Variants in SCN1A observed in about 807,000 individuals in gnomAD.
SCN1A encodes sodium channel protein type 1 subunit alpha.
SCN1A carries 13 observed loss-of-function variants against 193.7 expected under a neutral mutation model. The ratio of observed to expected loss-of-function variants is 0.07; its 90% CI spans 0.04 to 0.11. The LOEUF is 0.11. Among genes scored for constraint, SCN1A ranks in the 10% least tolerant of loss-of-function variants. SCN1A has a pLI of 1.00. For missense variants in SCN1A, 1,432 were observed against 2,451.1 expected, an observed-to-expected ratio of 0.58 and a Z score of 8.78; for synonymous variants, 781 against 843.6, an observed-to-expected ratio of 0.93 and a Z score of 1.29.
intron 23 of SCN1A, among the ~76,000 whole-genome samples, chr2:166,005,765 T>G (rs1691570936): frequency 6.6e-6 from 1 of 151,306 alleles, no homozygotes; most frequent in South Asian, 2.1e-4. Flanking sequence ...TAATTGGTTC[T>G]TATGGGGGGA....
chr2:166,044,426 T>A (rs1697550676), intron 13 of SCN1A, among the ~76,000 whole-genome samples: 1 of 152,182 alleles, frequency 6.6e-6, no homozygotes, highest in Admixed American at 6.5e-5. Flanking sequence ...CAAGGCCACC[T>A]TGGTTTTTAT....
rs1444741563 is a variant in SCN1A, at chr2:166,015,618, C to A, written c.3539G>T (p.Cys1180Phe). The part of the protein sequence containing the change: ...EPEETLEPEA[C>F]FTEGCVQRFK... ...ATTCTTTTCTTTACCTTCAGTGAAA[C>A]AAGCTTCTGGTTCAAGAGTTTCTTC... Residue 1180 changes from cysteine to phenylalanine, a missense_variant, in exon 20 of 29, where the codon TGT becomes TTT. Around this residue, in one of 18 missense-constraint regions of SCN1A, gnomAD observed 198 missense variants for 225.8 expected, o/e 0.88. Transcript: ENST00000674923. The A allele has an allele frequency of 6.2e-7, 1 of 1,612,636 alleles. No individual in the cohort carries two copies. Among genetic ancestry groups the A allele is most frequent in the Admixed American group, 1.7e-5 (1 of 59,966 alleles).
chr2:166,053,312 C>T (rs1440242458), intron 7 of SCN1A, among the ~76,000 whole-genome samples: 1 of 151,964 alleles, frequency 6.6e-6, no homozygotes, highest in Non-Finnish European at 1.5e-5. Flanking sequence ...ATGTAAACTT[C>T]ATAAAGTAGA....
intron 24 of SCN1A, among the ~76,000 whole-genome samples, chr2:166,001,488 T>G (rs1690835712): frequency 6.6e-6 from 1 of 151,748 alleles, no homozygotes; most frequent in South Asian, 2.1e-4. Flanking sequence ...GTCTTCTGGT[T>G]GAACAGTTGA....
At chr2:166,101,477 T>A (rs1688067438) in intron 2 of SCN1A, among the ~76,000 whole-genome samples, 1 of 140,700 alleles carries the variant, frequency 7.1e-6, no homozygotes, top group Admixed American at 7.3e-5. Context: ...ACCTGCACAA[T>A]GTGCACATGT....
intron 25 of SCN1A, 108 bp from the exon 26 acceptor site, chr2:165,998,283 G>A: frequency 5.4e-6 from 5 of 924,760 alleles, no homozygotes; most frequent in East Asian, 2.9e-5. Context: ...TAATATGTCA[G>A]CATTTTTTTT....
At chr2:166,130,837 C>T (rs519110), upstream of SCN1A, among the ~76,000 whole-genome samples, 81,076 of 151,952 alleles carry the variant, frequency 0.53, 22,438 homozygotes, top group East Asian at 0.65. Context: ...TTCCATGTTT[C>T]AGACTGAGCA....
intron 2 of SCN1A, among the ~76,000 whole-genome samples, chr2:166,110,781 A>G (rs555312809): frequency 9.3e-4 from 141 of 152,198 alleles, no homozygotes; most frequent in South Asian, 6.2e-3. Flanking sequence ...TAATTCCCAC[A>G]TGTCATGGGA....
At chr2:166,145,214 C>T (rs1168511877) in intron 1 of SCN1A, among the ~76,000 whole-genome samples, 6 of 116,108 alleles carry the variant, frequency 5.2e-5, no homozygotes, top group Non-Finnish European at 1.0e-4. Flanking sequence ...GGCTGGAGTG[C>T]AGTGGTGCGA....
At chr2:166,123,644 T>C (rs1259214591) in intron 2 of SCN1A, 1 of 152,202 alleles carries the variant, frequency 6.6e-6, no homozygotes, top group African/African-American at 2.4e-5. Flanking sequence ...TTCTAGGAAC[T>C]GCAACATTTT....
intron 2 of SCN1A, among the ~76,000 whole-genome samples, chr2:166,124,006 C>T (rs1690940615): frequency 6.6e-6 from 1 of 152,132 alleles, no homozygotes; most frequent in South Asian, 2.1e-4. Context: ...ACTTTTTCTC[C>T]ACCTCTTTCA....
Position 166,046,838 on chromosome 2 carries a change from C to T in SCN1A, c.1309G>A (p.Ala437Thr). The change falls in exon 12 of 29, where the codon GCA becomes ACA. Residue 437 changes from alanine to threonine, a missense_variant. Physicochemically the swap from Ala to Thr is moderately conservative, Grantham distance 58. Transcript: ENST00000674923. ...TGAAATTCGGCCTCTTTCTGTTCTG[C>T]TTCTTCCAAGGTGGCCTGATTCTGT... is the stretch of plus-strand genomic sequence containing the variant. Reference protein sequence around the residue: ...EEQNQATLEEAEQKEAEFQQM... With the variant: ...EEQNQATLEETEQKEAEFQQM... 1 of 1,613,946 alleles carries T rather than the reference C, an allele frequency of 6.2e-7. No homozygotes were observed. The highest frequency in any genetic ancestry group is 1.7e-4 in the Middle Eastern group (1 of 6,056).
intron 23 of SCN1A, among the ~76,000 whole-genome samples, chr2:166,006,654 T>G (rs1335247367): frequency 6.6e-6 from 1 of 151,410 alleles, no homozygotes; most frequent in Non-Finnish European, 1.5e-5. Flanking sequence ...TAATATATTT[T>G]TGCCTTGTTA....
chr2:166,088,966 A>C (rs1408260739), intron 2 of SCN1A, among the ~76,000 whole-genome samples: 1 of 152,292 alleles, frequency 6.6e-6, no homozygotes, highest in African/African-American at 2.4e-5. Flanking sequence ...CACACAGTTA[A>C]ATTTGAATTT....
chr2:166,061,609 G>A (rs1405925322), intron 4 of SCN1A, among the ~76,000 whole-genome samples: 3 of 147,372 alleles, frequency 2.0e-5, no homozygotes, highest in East Asian at 2.1e-4. Context: ...TTGAGATGAC[G>A]GATATGCTAA....
intron 2 of SCN1A, among the ~76,000 whole-genome samples, chr2:166,091,569 G>A (rs1686805295): frequency 6.6e-6 from 1 of 152,182 alleles, no homozygotes; most frequent in Non-Finnish European, 1.5e-5. Flanking sequence ...GAACCAAGCT[G>A]CAGAGAAGAG....
chr2:166,106,836 T>G lies in SCN1A; in HGVS notation c.-142+20088A>C, dbSNP rs1275316533. On this transcript the variant is annotated intron_variant, in intron 2 of 28. Transcript: ENST00000674923. The stretch of plus-strand genomic sequence containing the variant: ...GAAGAGAAGCCCCTTCCTCCTGCAG[T>G]GACCCTTCACTGCCCTCTACTGACA... Among the ~76,000 whole-genome samples the G allele has an allele frequency of 2.6e-5, 4 of 152,146 alleles. No individual in the cohort carries two copies. In the South Asian group the frequency reaches 6.2e-4, roughly 24 times the overall value.
intron 23 of SCN1A, chr2:166,009,450 A>T: frequency 8.2e-6 from 2 of 243,140 alleles, no homozygotes; most frequent in Middle Eastern, 1.5e-3. Flanking sequence ...TTTTTTTTGT[A>T]TATAGATTTG....
At chr2:166,022,905 G>T (rs1410520827) in intron 19 of SCN1A, among the ~76,000 whole-genome samples, 1 of 152,060 alleles carries the variant, frequency 6.6e-6, no homozygotes, top group Non-Finnish European at 1.5e-5. Context: ...TTTACTAGAA[G>T]CTGAGAGGAG....
Sources: allele counts gnomAD v4.1 joint callset (sites outside exome capture counted in the v4.1 genomes callset), GRCh38; gene constraint gnomAD v4.1.1; regional missense constraint gnomAD v4.1.1; transcripts MANE v1.5; gene names NCBI Gene and HGNC (gene_info 2026-07-23, HGNC 2026-07-21).